NETO1: variants seen among roughly 807,000 people sequenced by gnomAD.
NETO1 encodes the protein neuropilin and tolloid-like protein 1.
A neutral mutation model predicts 61.3 loss-of-function variants in NETO1; 26 were observed. The observed-to-expected ratio is 0.42, with a 90% CI of 0.31 to 0.59. The LOEUF (loss-of-function observed/expected upper bound fraction) is 0.59. Ranked by LOEUF, NETO1 falls within the 20% of genes least tolerant of loss-of-function variation. The pLI is 0.12. For missense variants in NETO1, 531 were observed against 662.8 expected (o/e 0.80, Z 2.18); for synonymous variants, 225 against 225.8 (o/e 1.00, Z 0.03).
intron 4 of NETO1, among the ~76,000 whole-genome samples, chr18:72,832,982 C>T (rs2073629206): frequency 6.6e-6 from 1 of 151,890 alleles, no homozygotes; most frequent in Admixed American, 6.5e-5. Context: ...ATGTAAATGT[C>T]TCTAATGCTC....
At chr18:72,816,881 A>T (rs1169236703) in intron 4 of NETO1, among the ~76,000 whole-genome samples, 1 of 152,172 alleles carries the variant, frequency 6.6e-6, no homozygotes, top group Non-Finnish European at 1.5e-5. Context: ...CTACACTTGG[A>T]CCCAGTAAGG....
At chr18:72,820,367 T>C (rs1568226756) in intron 4 of NETO1, among the ~76,000 whole-genome samples, 1 of 152,224 alleles carries the variant, frequency 6.6e-6, no homozygotes, top group Non-Finnish European at 1.5e-5. Flanking sequence ...CCATTCAGAC[T>C]GGAAAGCAAA....
intron 1 of NETO1, among the ~76,000 whole-genome samples, chr18:72,865,881 T>A (rs1374735744): frequency 6.6e-6 from 1 of 152,202 alleles, no homozygotes; most frequent in East Asian, 1.9e-4. Context: ...ATTAATCTCT[T>A]CTAACCTTAA....
intron 7 of NETO1, among the ~76,000 whole-genome samples, chr18:72,777,728 A>G (rs1046213458): frequency 3.3e-5 from 5 of 152,168 alleles, no homozygotes; most frequent in South Asian, 2.1e-4. Context: ...GGGGGACAGA[A>G]CGAGACTCCA....
intron 6 of NETO1, among the ~76,000 whole-genome samples, chr18:72,791,996 G>A (rs1412208876): frequency 7.2e-5 from 11 of 152,322 alleles, no homozygotes; most frequent in Non-Finnish European, 1.2e-4. Context: ...AGAAATGCAA[G>A]CATCAAAGCT....
At chr18:72,857,260 C>T (rs963473572) in intron 4 of NETO1, among the ~76,000 whole-genome samples, 1 of 152,142 alleles carries the variant, frequency 6.6e-6, no homozygotes, top group African/African-American at 2.4e-5. Flanking sequence ...TTCAGTTGTT[C>T]GCAGCAGTGA....
chr18:72,842,100 T>A (rs1034254027), intron 4 of NETO1, among the ~76,000 whole-genome samples: 6 of 152,200 alleles, frequency 3.9e-5, no homozygotes, highest in Non-Finnish European at 7.3e-5. Flanking sequence ...TTTCTGTAAG[T>A]TTAATATTAT....
intron 4 of NETO1, among the ~76,000 whole-genome samples, chr18:72,795,682 T>C (rs541749579): frequency 6.6e-6 from 1 of 152,280 alleles, no homozygotes; most frequent in South Asian, 2.1e-4. Flanking sequence ...TTGATATATG[T>C]GTACATTGTC....
chr18:72,761,468 C>T (rs961230409), intron 7 of NETO1, among the ~76,000 whole-genome samples: 13 of 151,696 alleles, frequency 8.6e-5, no homozygotes, highest in African/African-American at 3.2e-4. Flanking sequence ...AGCTGTGATA[C>T]TCTTTTTTTA....
chr18:72,807,700 A>T (rs1362012655), intron 4 of NETO1, among the ~76,000 whole-genome samples: 1 of 141,054 alleles, frequency 7.1e-6, no homozygotes, highest in African/African-American at 2.6e-5. Context: ...GCAGAAACAG[A>T]ACAATGAAGA....
chr18:72,858,405 G>C (rs1327752455), intron 4 of NETO1, among the ~76,000 whole-genome samples: 2 of 152,136 alleles, frequency 1.3e-5, no homozygotes, highest in Non-Finnish European at 2.9e-5. Context: ...ATTGAAACAC[G>C]GTAATTTTCA....
intron 4 of NETO1, among the ~76,000 whole-genome samples, chr18:72,844,606 G>A (rs939248931): frequency 2.6e-5 from 4 of 152,028 alleles, no homozygotes; most frequent in African/African-American, 9.7e-5. Context: ...AGATTTTTTC[G>A]TATCTGGCGT....
At chr18:72,817,854 G>T (rs1199101087) in intron 4 of NETO1, among the ~76,000 whole-genome samples, 1 of 152,154 alleles carries the variant, frequency 6.6e-6, no homozygotes, top group Non-Finnish European at 1.5e-5. Context: ...TGCTCTAAAA[G>T]ACATCAGTTC....
At position 72,845,213 on chromosome 18, in the gene NETO1, G is replaced by T. The variant is rs2074048345; in HGVS notation, c.469+13613C>A. Reference sequence around the variant, plus strand: ...TGTGACCACCTGTGAAGTAATATAAGTAGCCTGACTGTATCATTAGGGAGA... The same window carrying T: ...TGTGACCACCTGTGAAGTAATATAATTAGCCTGACTGTATCATTAGGGAGA... On this transcript the variant is annotated intron_variant, in intron 4 of 10. Coordinates refer to ENST00000327305, the MANE Select transcript of NETO1 (RefSeq NM_138966.5). Among the ~76,000 whole-genome samples the T allele has an allele frequency of 2.6e-5, 4 of 152,298 alleles. No individual in the cohort carries two copies. In the South Asian group the frequency reaches 8.3e-4, roughly 32 times the overall value.
intron 4 of NETO1, among the ~76,000 whole-genome samples, chr18:72,850,511 T>G (rs2074216884): frequency 1.3e-5 from 2 of 152,336 alleles, no homozygotes; most frequent in South Asian, 2.1e-4. Flanking sequence ...CAAATTGTTA[T>G]GAAAGGAAAT....
intron 4 of NETO1, among the ~76,000 whole-genome samples, chr18:72,858,363 A>G (rs775111612): frequency 6.6e-6 from 1 of 152,198 alleles, no homozygotes; most frequent in Non-Finnish European, 1.5e-5. Context: ...CTGAAAAGAG[A>G]GCAGACTACT....
At chr18:72,816,280 T>C (rs1818763954) in intron 4 of NETO1, among the ~76,000 whole-genome samples, 1 of 152,144 alleles carries the variant, frequency 6.6e-6, no homozygotes, top group Admixed American at 6.5e-5. Context: ...GAAGCATTCA[T>C]GCAACTTCTC....
At chr18:72,796,125 TAG>T (rs2072302204) in intron 4 of NETO1, among the ~76,000 whole-genome samples, 1 of 152,230 alleles carries the variant, frequency 6.6e-6, no homozygotes, top group Non-Finnish European at 1.5e-5. Flanking sequence ...ATATAAAAAG[TAG>T]CATTCTTTCT....
intron 4 of NETO1, among the ~76,000 whole-genome samples, chr18:72,843,829 G>A (rs544272758): frequency 3.3e-5 from 5 of 152,332 alleles, no homozygotes; most frequent in African/African-American, 1.2e-4. Context: ...AAGATTGTTT[G>A]TAAGATAAGA....
Sources: allele counts gnomAD v4.1 joint callset (sites outside exome capture counted in the v4.1 genomes callset), GRCh38; gene constraint gnomAD v4.1.1; transcripts MANE v1.5; gene names NCBI Gene and HGNC (gene_info 2026-07-23, HGNC 2026-07-21).